Variants in STAT2 observed in about 807,000 individuals in gnomAD.
The protein encoded by STAT2 is interferon alpha induced transcriptional activator.
In STAT2, 51 loss-of-function variants were observed where a neutral mutation model predicts 122.3. The ratio of observed to expected loss-of-function variants is 0.42; its 90% CI spans 0.33 to 0.53. The LOEUF is 0.53. Among genes scored for constraint, STAT2 ranks in the 20% least tolerant of loss-of-function variants. The pLI, the probability that STAT2 is intolerant of heterozygous loss-of-function variation, is 0.10. For missense variants in STAT2, 736 were observed against 1,010.3 expected (o/e 0.73, Z 3.68); for synonymous variants, 351 against 394.9 (o/e 0.89, Z 1.32).
chr12:56,358,640 GA>G (rs1268904682), intron 1 of STAT2, among the ~76,000 whole-genome samples: 1 of 152,144 alleles, frequency 6.6e-6, no homozygotes, highest in African/African-American at 2.4e-5. Context: ...CTCCATTCTA[GA>G]AGACATCTAA....
Position 56,346,436 on chromosome 12 carries a change from TCCCA to T in STAT2, c.2044+2_2044+5del, listed in dbSNP as rs1167498446. On this transcript the variant is annotated splice_donor_variant and splice_donor_5th_base_variant and intron_variant, in intron 21 of 23. Coordinates refer to ENST00000314128, the MANE Select transcript of STAT2 (RefSeq NM_005419.4). LOFTEE classifies it high-confidence loss of function. ...TCTAGCAATGAAGTATGTCAACGAT[TCCCA>T]CCTTTCTCCTGGTAGTAGCACCCAA... 6.2e-7 allele frequency: 1 copy of T among 1,614,168 alleles called. No homozygotes were observed. Among genetic ancestry groups the T allele is most frequent in the African/African-American group, 1.3e-5 (1 of 75,044 alleles).
intron 8 of STAT2, 22 bp from the exon 9 acceptor site, chr12:56,351,472 G>T (rs993558506): frequency 2.5e-6 from 4 of 1,608,828 alleles, no homozygotes; most frequent in Admixed American, 1.7e-5. Flanking sequence ...AATTCAGGAA[G>T]AAGGAATCCA....
chr12:56,348,779 T>C lies in STAT2; in HGVS notation c.1602A>G (p.Pro534=), dbSNP rs1877954541. Reference sequence around the variant, plus strand: ...TAGTGAAGTCAGCCCAGGACAATAATGGATCCTCAGTCCTACAGTTCTGCC... The same window carrying C: ...TAGTGAAGTCAGCCCAGGACAATAACGGATCCTCAGTCCTACAGTTCTGCC... ...LFGQNCRTED[P]LLSWADFTKR... is the part of the protein sequence containing the mutation. Residue 534 remains proline (P), a synonymous_variant, in exon 18 of 24, where the codon CCA becomes CCG. Transcript: ENST00000314128. The C allele has an allele frequency of 1.2e-6, 2 of 1,614,120 alleles. No homozygotes were observed. The highest frequency in any genetic ancestry group is 1.1e-5 in the South Asian group (1 of 91,078).
chr12:56,343,308 T>C lies in STAT2; in HGVS notation c.*81A>G. The C allele has an allele frequency of 6.5e-7, 1 of 1,547,192 alleles. No homozygotes were observed. Among genetic ancestry groups the C allele is most frequent in the Non-Finnish European group, 8.8e-7 (1 of 1,140,752 alleles). Reference sequence around the variant, plus strand: ...CAGCTTGGAAGGGACACATGCCTGATTCCCATCCTTGGAGAACAATATCAT... The same window carrying C: ...CAGCTTGGAAGGGACACATGCCTGACTCCCATCCTTGGAGAACAATATCAT... On this transcript the variant is annotated 3_prime_UTR_variant, in exon 24 of 24. Transcript: ENST00000314128.
Position 56,342,974 on chromosome 12 carries a change from C to T in STAT2, c.*415G>A. The T allele has an allele frequency of 6.2e-6, 1 of 161,346 alleles. No individual in the cohort carries two copies. The highest frequency in any genetic ancestry group is 1.3e-5 in the Non-Finnish European group (1 of 74,314). The allele number at this position is 161,346 out of a possible 1,614,324, so 10.0% of individuals were successfully genotyped here. On this transcript the variant is annotated 3_prime_UTR_variant, in exon 24 of 24. Coordinates refer to ENST00000314128, the MANE Select transcript of STAT2 (RefSeq NM_005419.4). ...TGGAAGAAAGAAATGGAGTCCTATCCTGTGTCTGTGCTCCCCACCAAGGGC... is the reference window on the plus strand; with the variant it reads ...TGGAAGAAAGAAATGGAGTCCTATCTTGTGTCTGTGCTCCCCACCAAGGGC...
At position 56,343,332 on chromosome 12, in the gene STAT2, A is replaced by C. The variant is rs1876846892; in HGVS notation, c.*57T>G. 1 of 1,576,958 alleles carries C rather than the reference A, an allele frequency of 6.3e-7. No homozygotes were observed. Among genetic ancestry groups the C allele is most frequent in the East Asian group, 2.3e-5 (1 of 44,366 alleles). On this transcript the variant is annotated 3_prime_UTR_variant, in exon 24 of 24. Transcript: ENST00000314128. The stretch of plus-strand genomic sequence containing the variant: ...ATTCCCATCCTTGGAGAACAATATC[A>C]TGCTATGAGGAGTAGGAAGGGCAAG...
At chr12:56,357,815 C>T (rs1377546485) in intron 1 of STAT2, among the ~76,000 whole-genome samples, 1 of 151,122 alleles carries the variant, frequency 6.6e-6, no homozygotes, top group Non-Finnish European at 1.5e-5. Context: ...AGGTTCAAGC[C>T]ATTCTCTGCC....
chr12:56,346,477 C>T lies in STAT2; in HGVS notation c.2009G>A (p.Arg670Gln), dbSNP rs780748121. The T allele has an allele frequency of 7.4e-6, 12 of 1,614,038 alleles. No individual in the cohort carries two copies. The highest frequency in any genetic ancestry group is 2.2e-5 in the East Asian group (1 of 44,896). Residue 670 changes from arginine to glutamine, a missense_variant, in exon 21 of 24, where the codon CGG becomes CAG. Coordinates refer to ENST00000314128, the MANE Select transcript of STAT2 (RefSeq NM_005419.4). ...PLRFLYPRIPRDEAFGCYYQE... is the reference protein window; with the variant it reads ...PLRFLYPRIPQDEAFGCYYQE... ...GTAGTAGCACCCAAAAGCTTCATCC[C>T]GGGGGATTCGGGGATAGAGGAAGCG...
At chr12:56,354,641 A>G (rs1879229617) in intron 7 of STAT2, 27 bp from the exon 8 acceptor site, 1 of 1,613,892 alleles carries the variant, frequency 6.2e-7, no homozygotes, top group Non-Finnish European at 8.5e-7. Flanking sequence ...GTGAGTGTTG[A>G]GCATCTCTCC....
At chr12:56,346,400 G>C (rs753780614) in intron 21 of STAT2, 42 bp downstream of exon 21, 4 of 1,609,960 alleles carry the variant, frequency 2.5e-6, no homozygotes, top group Non-Finnish European at 3.4e-6. Context: ...ATGTCTGGTA[G>C]ATCTCTGCAA....
At chr12:56,346,106 A>G (rs1248597314) in intron 22 of STAT2, 40 bp downstream of exon 22, 2 of 1,613,824 alleles carry the variant, frequency 1.2e-6, no homozygotes. Flanking sequence ...AGCAGAGCCA[A>G]AAAGGATTAG....
intron 22 of STAT2, 135 bp downstream of exon 22, chr12:56,346,011 G>A: frequency 6.3e-7 from 1 of 1,576,678 alleles, no homozygotes; most frequent in Non-Finnish European, 8.6e-7. Context: ...AGGAGAGGCT[G>A]TGGGAATGGC....
chr12:56,354,012 AAAAAAT>A (rs1179712250), intron 8 of STAT2, among the ~76,000 whole-genome samples: 3 of 20,136 alleles, frequency 1.5e-4, no homozygotes, highest in South Asian at 0.017. Context: ...AAAAAAAAAA[AAAAAAT>A]ATATATATAT....
chr12:56,346,308 C>T (rs1410412671), intron 21 of STAT2, 105 bp from the exon 22 acceptor site: 2 of 1,559,740 alleles, frequency 1.3e-6, no homozygotes, highest in Non-Finnish European at 1.8e-6. Flanking sequence ...CCATAGTAAC[C>T]AGCAGTATCC....
At chr12:56,356,031 C>T (rs561062302) in intron 3 of STAT2, 101 bp downstream of exon 3, 15 of 1,497,114 alleles carry the variant, frequency 1.0e-5, no homozygotes, top group Admixed American at 4.0e-5. Flanking sequence ...CATTTGTTCC[C>T]GTCTCCCTTT....
rs1382753987 is a variant in STAT2 at position 56,360,090 on chromosome 12, T to C, written c.-40A>G. 5.1e-6 allele frequency: 5 copies of C among 985,068 alleles called. No individual in the cohort carries two copies. Among genetic ancestry groups the C allele is most frequent in the African/African-American group, 1.8e-5 (1 of 57,116 alleles). 61.0% of individuals were successfully genotyped at this position (985,068 alleles called of 1,614,324 possible). A position where few individuals can be genotyped will look rare whatever the true frequency, so the allele number is the denominator to read the frequency against. ...GGGTTGCAGTCCCCGCGCCCTCCAATGGCTCTGGTCGCGACTTCCCGTCCC... is the reference window on the plus strand; with the variant it reads ...GGGTTGCAGTCCCCGCGCCCTCCAACGGCTCTGGTCGCGACTTCCCGTCCC... On this transcript the variant is annotated 5_prime_UTR_variant, in exon 1 of 24. Coordinates refer to ENST00000314128, the MANE Select transcript of STAT2 (RefSeq NM_005419.4).
intron 23 of STAT2, 73 bp from the exon 24 acceptor site, chr12:56,343,604 G>A: frequency 1.3e-6 from 2 of 1,568,540 alleles, no homozygotes; most frequent in Non-Finnish European, 1.7e-6. Flanking sequence ...GAAAGGGAGG[G>A]AGGATGGCAG....
At chr12:56,357,710 CTTTTT>C (rs940388949) in intron 1 of STAT2, among the ~76,000 whole-genome samples, 1 of 130,142 alleles carries the variant, frequency 7.7e-6, no homozygotes, top group Admixed American at 7.9e-5. Context: ...AATTTTCTTT[CTTTTT>C]TTTTTTTTTT....
At chr12:56,352,386 T>TGGGGGG (rs1878662926) in intron 8 of STAT2, 1 of 39,782 alleles carries the variant, frequency 2.5e-5, no homozygotes, top group Non-Finnish European at 4.8e-5. Flanking sequence ...GGGGTGGGGG[T>TGGGGGG]GGGGGTGGTT....
Sources: allele counts gnomAD v4.1 joint callset (sites outside exome capture counted in the v4.1 genomes callset), GRCh38; gene constraint gnomAD v4.1.1; transcripts MANE v1.5; gene names NCBI Gene and HGNC (gene_info 2026-07-23, HGNC 2026-07-21).